The following PPFIA4 variants were observed in gnomAD, a reference collection of about 807,000 sequenced individuals.
PPFIA4 encodes liprin-alpha-4.
In PPFIA4, 98 loss-of-function variants were observed where a neutral mutation model predicts 145.7. The ratio of observed to expected loss-of-function variants is 0.67; its 90% CI spans 0.57 to 0.80. The LOEUF (loss-of-function observed/expected upper bound fraction) is 0.80, where lower values mean the gene tolerates loss of function less well. Ranked by LOEUF, PPFIA4 falls within the 30% of genes least tolerant of loss-of-function variation. PPFIA4 has a pLI of 0.00. For missense variants in PPFIA4, 1,457 were observed against 1,632.7 expected (o/e 0.89, Z 1.85); for synonymous variants, 628 against 649.6 (o/e 0.97, Z 0.51).
At chr1:203,044,475 A>G in intron 5 of PPFIA4, 22 bp downstream of exon 5, 1 of 1,547,214 alleles carries the variant, frequency 6.5e-7, no homozygotes, top group Non-Finnish European at 8.7e-7. Flanking sequence ...GCTCACCCTC[A>G]GTCTGCAGCT....
At chr1:203,044,187 A>G (rs958769261) in intron 4 of PPFIA4, 92 bp downstream of exon 4, 10 of 1,384,498 alleles carry the variant, frequency 7.2e-6, no homozygotes, top group Non-Finnish European at 9.7e-6. Context: ...TCCGGTATTT[A>G]GGGAGCACTG....
Position 203,068,686 on chromosome 1 carries a change from C to T in PPFIA4, c.3324+58C>T. 7.2e-7 allele frequency: 1 copy of T among 1,395,922 alleles called. No homozygotes were observed. The highest frequency in any genetic ancestry group is 1.7e-5 in the South Asian group (1 of 59,302). The allele number at this position is 1,395,922 out of a possible 1,614,324, so 86.5% of individuals were successfully genotyped here. ...TCTCCCTGTATCCCTCACTTGCTCT[C>T]TTTCTTTCCCTCATACACAAAGGCT... On this transcript the variant is annotated intron_variant, in intron 27 of 29. Coordinates refer to ENST00000295706, the MANE Select transcript of PPFIA4 (RefSeq NM_001304331.2). This position sits in a 1 kb window ranked among gnomAD's most constrained non-coding sequence, Gnocchi z 4.7.
chr1:203,045,791 G>T lies in PPFIA4; in HGVS notation c.859-50G>T, dbSNP rs552992629. The stretch of plus-strand genomic sequence containing the variant: ...GTGGGTGGGGAGGTGTAGACAGGAT[G>T]GGGGCAAGGAAAGGCTGGTTACCGT... On this transcript the variant is annotated intron_variant, in intron 7 of 29. Coordinates refer to ENST00000295706, the MANE Select transcript of PPFIA4 (RefSeq NM_001304331.2). The T allele has an allele frequency of 5.0e-6, 8 of 1,611,590 alleles. No individual in the cohort carries two copies. In the African/African-American group the frequency reaches 9.3e-5, roughly 19 times the overall value.
chr1:203,071,615 A>C (rs922377753), intron 27 of PPFIA4, 77 bp from the exon 28 acceptor site: 9 of 1,219,042 alleles, frequency 7.4e-6, no homozygotes, highest in Non-Finnish European at 1.1e-5. Flanking sequence ...GGACCCTTGG[A>C]AAATGGTGAA....
At position 203,068,411 on chromosome 1, in the gene PPFIA4, CGTA is replaced by C. The variant is rs1558100324; in HGVS notation, c.3149-38_3149-36del. 2 of 1,517,608 alleles carry C rather than the reference CGTA, an allele frequency of 1.3e-6. No individual in the cohort carries two copies. The highest frequency in any genetic ancestry group is 8.9e-7 in the Non-Finnish European group (1 of 1,119,524). 94.0% of individuals were successfully genotyped at this position (1,517,608 alleles called of 1,614,324 possible). On this transcript the variant is annotated intron_variant, in intron 26 of 29. Transcript: ENST00000295706. The surrounding 1 kb of genome is among the most constrained non-coding windows in gnomAD (Gnocchi z 4.7). The stretch of plus-strand genomic sequence containing the variant: ...TGTCCTTGGAGGGCCCTTGATGAAA[CGTA>C]GTATCTCCTTCCGTCCCTTTTCTTC...
chr1:203,062,287 C>A (rs370200132), intron 24 of PPFIA4, among the ~76,000 whole-genome samples: 3 of 150,960 alleles, frequency 2.0e-5, no homozygotes, highest in East Asian at 1.9e-4. Flanking sequence ...ACCATCCTGG[C>A]TAACACAGTG....
intron 9 of PPFIA4, 37 bp downstream of exon 9, chr1:203,046,419 C>A: frequency 6.4e-7 from 1 of 1,553,566 alleles, no homozygotes; most frequent in East Asian, 2.4e-5. Flanking sequence ...GCCTCTGTCC[C>A]CCATGTTCTG....
chr1:203,030,674 C>G (rs1169909199), intron 1 of PPFIA4, among the ~76,000 whole-genome samples: 2 of 152,218 alleles, frequency 1.3e-5, no homozygotes, highest in Non-Finnish European at 1.5e-5. Context: ...TCCCTCCTCT[C>G]TCGATTATAC....
rs1191716159 is a variant in PPFIA4, at chr1:203,051,893, G to A, written c.1620+16G>A. On this transcript the variant is annotated intron_variant, in intron 14 of 29. Coordinates refer to ENST00000295706, the MANE Select transcript of PPFIA4 (RefSeq NM_001304331.2). ...GTCTGCCAAGGTGAGGGGGTGGAGG[G>A]ATCTCCTCAGGGAGTTTGGGGTCAA... 3 of 1,610,774 alleles carry A rather than the reference G, an allele frequency of 1.9e-6. No individual in the cohort carries two copies. The highest frequency in any genetic ancestry group is 2.5e-6 in the Non-Finnish European group (3 of 1,178,530).
In PPFIA4 at chr1:203,068,321, T is replaced by G; in HGVS notation, c.3149-132T>G. ...AGGAGAGAAAGAAGATATGGAAATT[T>G]AGGGATGGAGTGGGGGTCAGAGAGC... On this transcript the variant is annotated intron_variant, in intron 26 of 29. Coordinates refer to ENST00000295706, the MANE Select transcript of PPFIA4 (RefSeq NM_001304331.2). This position sits in a 1 kb window ranked among gnomAD's most constrained non-coding sequence, Gnocchi z 4.7. 2.6e-6 allele frequency: 2 copies of G among 762,654 alleles called. No individual in the cohort carries two copies. The highest frequency in any genetic ancestry group is 3.9e-6 in the Non-Finnish European group (2 of 511,220). 47.2% of individuals were successfully genotyped at this position (762,654 alleles called of 1,614,324 possible).
chr1:203,044,300 G>A, intron 4 of PPFIA4, 79 bp from the exon 5 acceptor site: 1 of 1,384,048 alleles, frequency 7.2e-7, no homozygotes, highest in South Asian at 1.3e-5. Flanking sequence ...CTCAGTGGTG[G>A]TAGACCAAGC....
In PPFIA4 at chr1:203,075,628, C is replaced by A. The variant is rs1056408103; in HGVS notation, c.3445C>A (p.Pro1149Thr). 1 of 1,485,620 alleles carries A rather than the reference C, an allele frequency of 6.7e-7. No homozygotes were observed. Among genetic ancestry groups the A allele is most frequent in the Non-Finnish European group, 9.0e-7 (1 of 1,116,904 alleles). 92.0% of individuals were successfully genotyped at this position (1,485,620 alleles called of 1,614,324 possible). ...RAPSWRKRFR[P>T]REHHGRGGML... ...GCCCTCCTGGAGGAAGCGCTTCCGG[C>A]CGCGGGAGCACCACGGTCGCGGCGG... Residue 1149 changes from proline to threonine, a missense_variant, in exon 29 of 30, where the codon CCG (proline) becomes ACG (threonine). By Grantham distance (38) the Pro-to-Thr change is conservative (BLOSUM62 -1). Coordinates refer to ENST00000295706, the MANE Select transcript of PPFIA4 (RefSeq NM_001304331.2). The surrounding 1 kb of genome is among the most constrained non-coding windows in gnomAD (Gnocchi z 4.1).
In PPFIA4 at chr1:203,044,466, C is replaced by T; in HGVS notation, c.576+13C>T. 11 of 1,549,626 alleles carry T rather than the reference C, an allele frequency of 7.1e-6. No individual in the cohort carries two copies. The highest frequency in any genetic ancestry group is 2.4e-5 in the South Asian group (2 of 84,010). ...TGCCCACCAGCAGGTAATCTGCCTG[C>T]TCACCCTCAGTCTGCAGCTCCTGGA... On this transcript the variant is annotated intron_variant, in intron 5 of 29. Coordinates refer to ENST00000295706, the MANE Select transcript of PPFIA4 (RefSeq NM_001304331.2).
In PPFIA4 at chr1:203,075,486, T is replaced by C; in HGVS notation, c.3394-91T>C. 8.8e-7 allele frequency: 1 copy of C among 1,136,952 alleles called. No individual in the cohort carries two copies. 70.4% of individuals were successfully genotyped at this position (1,136,952 alleles called of 1,614,324 possible). ...CCAAAGGGGTGGGAGTGGTGCCCCTTGAACCAGCAGCGACTGGCCCCCTCC... is the reference window on the plus strand; with the variant it reads ...CCAAAGGGGTGGGAGTGGTGCCCCTCGAACCAGCAGCGACTGGCCCCCTCC... On this transcript the variant is annotated intron_variant, in intron 28 of 29. Transcript: ENST00000295706. The surrounding 1 kb of genome is among the most constrained non-coding windows in gnomAD (Gnocchi z 4.1).
chr1:203,033,840 C>T (rs1347363992), intron 1 of PPFIA4, among the ~76,000 whole-genome samples: 1 of 152,122 alleles, frequency 6.6e-6, no homozygotes, highest in Non-Finnish European at 1.5e-5. Flanking sequence ...TAAAAATAGC[C>T]AGATGTGGTG....
intron 13 of PPFIA4, among the ~76,000 whole-genome samples, chr1:203,050,822 A>G (rs1011370956): frequency 1.3e-5 from 2 of 150,816 alleles, no homozygotes; most frequent in African/African-American, 4.9e-5. Flanking sequence ...AGAAGAGACA[A>G]CCCCTCAATT....
rs1316351247 is a variant in PPFIA4 at position 203,075,699 on chromosome 1, G to A, written c.3516G>A (p.Val1172=). The A allele has an allele frequency of 1.4e-6, 2 of 1,480,584 alleles. No homozygotes were observed. Among genetic ancestry groups the A allele is most frequent in the South Asian group, 2.7e-5 (2 of 75,038 alleles). 91.7% of individuals were successfully genotyped at this position (1,480,584 alleles called of 1,614,324 possible). A position where few individuals can be genotyped will look rare whatever the true frequency, so the allele number is the denominator to read the frequency against. The change falls in exon 29 of 30, where the codon GTG becomes GTA. Residue 1172 remains valine (V), a synonymous_variant. Transcript: ENST00000295706. The surrounding 1 kb of genome is among the most constrained non-coding windows in gnomAD (Gnocchi z 4.1). ...SAETLPAGFR[V]STLGTLQPPP... is the part of the protein sequence containing the mutation. ...AGACCCTCCCGGCGGGCTTCCGTGTGTCCACCCTGGGGACCCTGCAGCCCC... is the reference window on the plus strand; with the variant it reads ...AGACCCTCCCGGCGGGCTTCCGTGTATCCACCCTGGGGACCCTGCAGCCCC...
intron 2 of PPFIA4, among the ~76,000 whole-genome samples, chr1:203,040,302 C>T (rs972894210): frequency 6.6e-6 from 1 of 152,200 alleles, no homozygotes; most frequent in East Asian, 1.9e-4. Flanking sequence ...CATAGCCTAC[C>T]CTGACCCAGT....
chr1:203,031,885 G>T (rs890835293), intron 1 of PPFIA4, among the ~76,000 whole-genome samples: 10 of 152,190 alleles, frequency 6.6e-5, no homozygotes, highest in Non-Finnish European at 1.2e-4. Flanking sequence ...CAAAAGCTGT[G>T]TCTGTATTCG....
Sources: allele counts gnomAD v4.1 joint callset (sites outside exome capture counted in the v4.1 genomes callset), GRCh38; gene constraint gnomAD v4.1.1; non-coding constraint Gnocchi (gnomAD v3.1); transcripts MANE v1.5; gene names NCBI Gene and HGNC (gene_info 2026-07-23, HGNC 2026-07-21).